The following AGPS variants were observed in gnomAD, a reference collection of about 807,000 sequenced individuals.
The protein encoded by AGPS is alkylglycerone phosphate synthase.
In AGPS, 26 loss-of-function variants were observed where a neutral mutation model predicts 90.7. The ratio of observed to expected loss-of-function variants is 0.29; its 90% CI spans 0.21 to 0.40. The LOEUF is 0.40. Ranked by LOEUF, AGPS falls within the 10% of genes least tolerant of loss-of-function variation. The pLI, the probability that AGPS is intolerant of heterozygous loss-of-function variation, is 1.00. For synonymous variants in AGPS, 294 were observed against 285.3 expected, an observed-to-expected ratio of 1.03 and a Z score of -0.31; for missense variants, 540 against 816.1, an observed-to-expected ratio of 0.66 and a Z score of 4.12.
chr2:177,424,978 C>T (rs972198205), intron 2 of AGPS, among the ~76,000 whole-genome samples: 15 of 152,236 alleles, frequency 9.9e-5, no homozygotes, highest in Middle Eastern at 3.4e-3. Context: ...GGATATTAGA[C>T]CTTTGTCAGA....
chr2:177,446,156 T>A (rs969162336), intron 8 of AGPS, among the ~76,000 whole-genome samples: 3 of 151,974 alleles, frequency 2.0e-5, no homozygotes, highest in African/African-American at 4.8e-5. Flanking sequence ...TTACTTTTTT[T>A]TTTTTTATTT....
chr2:177,509,599 G>A (rs1688810641), intron 16 of AGPS, among the ~76,000 whole-genome samples: 1 of 151,356 alleles, frequency 6.6e-6, no homozygotes, highest in Non-Finnish European at 1.5e-5. Flanking sequence ...CCGGGAGGCG[G>A]GGCTTGCAGT....
intron 16 of AGPS, among the ~76,000 whole-genome samples, chr2:177,511,096 TTTG>T (rs575575386): frequency 5.4e-4 from 82 of 152,082 alleles, no homozygotes; most frequent in African/African-American, 1.8e-3. Context: ...ATATACATTT[TTTG>T]TTGTTGTTGT....
At chr2:177,403,348 A>G (rs1233058070) in intron 1 of AGPS, among the ~76,000 whole-genome samples, 1 of 152,214 alleles carries the variant, frequency 6.6e-6, no homozygotes, top group Non-Finnish European at 1.5e-5. Context: ...AAAAATTCTT[A>G]AATCTGAGGG....
intron 15 of AGPS, 42 bp from the exon 16 acceptor site, chr2:177,507,919 TTCTTCTGCA>T: frequency 8.1e-7 from 1 of 1,231,240 alleles, no homozygotes; most frequent in Non-Finnish European, 1.2e-6. Flanking sequence ...GTGTTATTGA[TTCTTCTGCA>T]TCTGTTGTAG....
intron 10 of AGPS, among the ~76,000 whole-genome samples, chr2:177,475,337 TA>T (rs201578672): frequency 0.011 from 1,648 of 152,290 alleles, 17 homozygotes; most frequent in East Asian, 0.032. Flanking sequence ...AATTCTGTGT[TA>T]GGGGGTAAGA....
intron 1 of AGPS, among the ~76,000 whole-genome samples, chr2:177,410,926 G>C (rs1016608894): frequency 2.6e-5 from 4 of 152,120 alleles, no homozygotes; most frequent in Admixed American, 1.3e-4. Flanking sequence ...TGGACGAGGG[G>C]GTAGCTTATT....
intron 10 of AGPS, among the ~76,000 whole-genome samples, chr2:177,474,732 G>A (rs549983720): frequency 7.2e-5 from 11 of 152,290 alleles, no homozygotes; most frequent in African/African-American, 2.6e-4. Context: ...ATCACATTTA[G>A]AGCCAGTTCA....
intron 5 of AGPS, 34 bp downstream of exon 5, chr2:177,437,088 T>C (rs1303184362): frequency 1.3e-6 from 2 of 1,582,212 alleles, no homozygotes; most frequent in Non-Finnish European, 1.7e-6. Flanking sequence ...ATTAATTTAG[T>C]ATTGCTAAAT....
intron 19 of AGPS, among the ~76,000 whole-genome samples, chr2:177,531,795 C>T (rs780838266): frequency 2.8e-4 from 43 of 151,862 alleles, no homozygotes; most frequent in Non-Finnish European, 5.3e-4. Flanking sequence ...GAGGAGGACA[C>T]ATAGATCAGT....
chr2:177,509,683 A>C (rs561450093), intron 16 of AGPS, among the ~76,000 whole-genome samples: 24 of 150,266 alleles, frequency 1.6e-4, no homozygotes, highest in Admixed American at 1.1e-3. Flanking sequence ...AAAAAAAAAG[A>C]AGCAGTTTGG....
chr2:177,466,027 A>G (rs1559058871), intron 9 of AGPS, among the ~76,000 whole-genome samples: 1 of 152,238 alleles, frequency 6.6e-6, no homozygotes, highest in East Asian at 1.9e-4. Context: ...AAAACAGCTC[A>G]GAGGAGACTC....
At chr2:177,506,179 A>G (rs1688704450) in intron 15 of AGPS, among the ~76,000 whole-genome samples, 1 of 151,096 alleles carries the variant, frequency 6.6e-6, no homozygotes, top group African/African-American at 2.4e-5. Context: ...TTTGTAACAA[A>G]TTCAAATTTC....
chr2:177,393,015 G>GCCGCGCAGGA lies in AGPS; in HGVS notation c.227_236dup (p.Glu79AspfsTer24), dbSNP rs1559027414. 6.5e-7 allele frequency: 1 copy of GCCGCGCAGGA among 1,550,326 alleles called. No individual in the cohort carries two copies. The highest frequency in any genetic ancestry group is 8.7e-7 in the Non-Finnish European group (1 of 1,146,788). ...CACGGCAGCGCCCACGGCCACTCCC[G>GCCGCGCAGGA]CCGCGCAGGAGTCGGGCACCATCCC... On this transcript the variant is annotated frameshift_variant, in exon 1 of 20. Transcript: ENST00000264167. LOFTEE classifies it high-confidence loss of function.
At position 177,491,760 on chromosome 2, in the gene AGPS, T is replaced by C. The variant is rs75483033; in HGVS notation, c.1234-1388T>C. On this transcript the variant is annotated intron_variant, in intron 11 of 19. Coordinates refer to ENST00000264167, the MANE Select transcript of AGPS (RefSeq NM_003659.4). ...TACACTAAATGTAATATACTTTCCT[T>C]CCCCCCCCCCCCCTTTTTTTTCATT... Among the ~76,000 whole-genome samples the C allele has an allele frequency of 4.3e-4, 20 of 46,506 alleles. 1 individual carries two copies. The highest frequency in any genetic ancestry group is 1.5e-3 in the African/African-American group (17 of 11,194). The allele number at this position is 46,506 out of a possible 152,430, so 30.5% of individuals were successfully genotyped here. A position where few individuals can be genotyped will look rare whatever the true frequency, so the allele number is the denominator to read the frequency against.
chr2:177,483,345 A>G (rs1301305485), intron 11 of AGPS, among the ~76,000 whole-genome samples: 1 of 152,136 alleles, frequency 6.6e-6, no homozygotes, highest in Non-Finnish European at 1.5e-5. Context: ...TTTACTTTCT[A>G]AGACACTCTT....
At chr2:177,458,723 C>T (rs1232823593) in intron 8 of AGPS, among the ~76,000 whole-genome samples, 1 of 152,156 alleles carries the variant, frequency 6.6e-6, no homozygotes, top group East Asian at 1.9e-4. Flanking sequence ...TAGGAAGAAT[C>T]AATACTATGA....
intron 16 of AGPS, among the ~76,000 whole-genome samples, chr2:177,511,702 T>C (rs1688878456): frequency 6.6e-6 from 1 of 152,232 alleles, no homozygotes; most frequent in Non-Finnish European, 1.5e-5. Flanking sequence ...GCAGTTATGT[T>C]TCTGTCCTAT....
rs556368666 is a variant in AGPS at position 177,479,929 on chromosome 2, C to T, written c.1106-2130C>T. On this transcript the variant is annotated intron_variant, in intron 10 of 19. Coordinates refer to ENST00000264167, the MANE Select transcript of AGPS (RefSeq NM_003659.4). ...GGTGCAGTGGCTCATGCCTATAATC[C>T]CAGCACTTTGGGAGGCCAAGGCGGG... 2.6e-5 allele frequency among the ~76,000 whole-genome samples: 4 copies of T among 152,252 alleles called. No individual in the cohort carries two copies. The South Asian group carries it at 8.3e-4, about 32-fold the overall frequency.
Sources: allele counts gnomAD v4.1 joint callset (sites outside exome capture counted in the v4.1 genomes callset), GRCh38; gene constraint gnomAD v4.1.1; transcripts MANE v1.5; gene names NCBI Gene and HGNC (gene_info 2026-07-23, HGNC 2026-07-21).